PDCD6IP: variants seen among roughly 807,000 people sequenced by gnomAD.
PDCD6IP encodes programmed cell death 6-interacting protein.
PDCD6IP carries 43 observed loss-of-function variants against 103.7 expected under a neutral mutation model. The ratio of observed to expected loss-of-function variants is 0.41; its 90% CI spans 0.32 to 0.53. The LOEUF (loss-of-function observed/expected upper bound fraction) is 0.53, where lower values mean the gene tolerates loss of function less well. Among genes scored for constraint, PDCD6IP ranks in the 20% least tolerant of loss-of-function variants. The probability of loss-of-function intolerance (pLI) is 0.16; values close to 1 mark genes in which losing one functional copy is unlikely to be tolerated. For synonymous variants in PDCD6IP, 354 were observed against 378.7 expected (o/e 0.93, Z 0.76); for missense variants, 871 against 1,036.7 (o/e 0.84, Z 2.20).
At chr3:33,818,729 GA>G (rs1696920983) in intron 3 of PDCD6IP, among the ~76,000 whole-genome samples, 1 of 151,808 alleles carries the variant, frequency 6.6e-6, no homozygotes, top group African/African-American at 2.4e-5. Flanking sequence ...ATGTTGGCCA[GA>G]ATGGTCTTGT....
intron 5 of PDCD6IP, 38 bp from the exon 6 acceptor site, chr3:33,826,442 A>C (rs763769403): frequency 7.2e-7 from 1 of 1,392,640 alleles, no homozygotes; most frequent in Non-Finnish European, 1.0e-6. Flanking sequence ...AGATTAGCTC[A>C]TATTTATTTT....
At chr3:33,799,108 T>C in intron 1 of PDCD6IP, 171 bp downstream of exon 1, 1 of 662,470 alleles carries the variant, frequency 1.5e-6, no homozygotes, top group Non-Finnish European at 2.5e-6. Context: ...GGACCCGCCC[T>C]GCAGGCCCGC....
At position 33,825,253 on chromosome 3, in the gene PDCD6IP, G is replaced by T; in HGVS notation, c.529G>T (p.Val177Leu). 1 of 1,613,398 alleles carries T rather than the reference G, an allele frequency of 6.2e-7. No individual in the cohort carries two copies. Among genetic ancestry groups the T allele is most frequent in the South Asian group, 1.1e-5 (1 of 91,008 alleles). The change falls in exon 5 of 18, where the codon GTG (valine) becomes TTG (leucine). Residue 177 changes from valine to leucine, a missense_variant. By Grantham distance (32) the Val-to-Leu change is conservative. Coordinates refer to ENST00000307296, the MANE Select transcript of PDCD6IP (RefSeq NM_013374.6). ...VLSALSREPT[V>L]DISPDTVGTL... is the part of the protein sequence containing the mutation. ...ATCTGCCTTAAGTCGAGAGCCGACC[G>T]TGGACATATCTCCAGATACTGTTGG...
intron 3 of PDCD6IP, among the ~76,000 whole-genome samples, chr3:33,815,306 G>C (rs939137002): frequency 3.9e-5 from 6 of 151,926 alleles, no homozygotes; most frequent in Non-Finnish European, 8.8e-5. Context: ...TCCTGACTTT[G>C]TACTTTTCCC....
intron 12 of PDCD6IP, among the ~76,000 whole-genome samples, chr3:33,847,952 C>G (rs1456717000): frequency 6.6e-6 from 1 of 151,786 alleles, no homozygotes; most frequent in African/African-American, 2.4e-5. Context: ...AGTGTTACAT[C>G]TGCTGGGAGT....
rs1373099418 is a variant in PDCD6IP, at chr3:33,826,416, TA to T, written c.617-63del. 1.8e-4 allele frequency: 201 copies of T among 1,130,568 alleles called. No homozygotes were observed. The African/African-American group carries it at 2.6e-3, about 15-fold the overall frequency. The allele number at this position is 1,130,568 out of a possible 1,614,324, so 70.0% of individuals were successfully genotyped here. A position where few individuals can be genotyped will look rare whatever the true frequency, so the allele number is the denominator to read the frequency against. On this transcript the variant is annotated intron_variant, in intron 5 of 17. Transcript: ENST00000307296. ...TGTACAAACTTGTGACCTCAGTGTT[TA>T]TACTGAGACATGTCAGATTAGCTCA...
At chr3:33,813,346 C>A (rs1559774187) in intron 2 of PDCD6IP, 2 of 439,320 alleles carry the variant, frequency 4.6e-6, no homozygotes, top group South Asian at 8.3e-5. Context: ...ATTACCAAGG[C>A]AGAATGACCA....
chr3:33,849,927 AT>A (rs147987518), intron 12 of PDCD6IP, among the ~76,000 whole-genome samples: 6,577 of 151,430 alleles, frequency 0.043, 195 homozygotes, highest in South Asian at 0.082. Context: ...TTGAAATGGC[AT>A]TTTTTTTTCC....
chr3:33,812,354 T>G (rs1038221348), intron 2 of PDCD6IP, among the ~76,000 whole-genome samples: 1 of 152,228 alleles, frequency 6.6e-6, no homozygotes, highest in Non-Finnish European at 1.5e-5. Context: ...TTGTTTTTCT[T>G]TGGACTTCAT....
At chr3:33,834,518 A>G (rs1349643623) in intron 7 of PDCD6IP, among the ~76,000 whole-genome samples, 2 of 152,182 alleles carry the variant, frequency 1.3e-5, no homozygotes, top group Admixed American at 6.5e-5. Flanking sequence ...TGTTTTGGTT[A>G]TCTTTCTCTA....
intron 8 of PDCD6IP, among the ~76,000 whole-genome samples, chr3:33,836,572 A>G (rs558365845): frequency 1.1e-4 from 17 of 152,116 alleles, no homozygotes; most frequent in African/African-American, 3.9e-4. Flanking sequence ...ATAAACAAAT[A>G]TGGCTGGATG....
chr3:33,805,389 A>C (rs909462148), intron 1 of PDCD6IP, among the ~76,000 whole-genome samples: 3 of 151,890 alleles, frequency 2.0e-5, no homozygotes, highest in African/African-American at 7.2e-5. Context: ...TCCTTTTTAA[A>C]AATTAAATAT....
intron 15 of PDCD6IP, among the ~76,000 whole-genome samples, chr3:33,856,294 A>G (rs1424628704): frequency 1.3e-5 from 2 of 152,224 alleles, no homozygotes; most frequent in African/African-American, 4.8e-5. Flanking sequence ...CTGCAGGAAT[A>G]TGGTAAGAAA....
At position 33,867,754 on chromosome 3, in the gene PDCD6IP, G is replaced by GT. The variant is rs1220116113; in HGVS notation, c.*1235dup. On this transcript the variant is annotated 3_prime_UTR_variant, in exon 18 of 18. Transcript: ENST00000307296. The stretch of plus-strand genomic sequence containing the variant: ...GTTGTCTAACATCACAGTGGGATCT[G>GT]TTTTTTGTGAGGTTCATTTCTGAAC... 2.0e-5 allele frequency: 3 copies of GT among 152,166 alleles called. No individual in the cohort carries two copies. In the East Asian group the frequency reaches 5.8e-4, roughly 29 times the overall value. 9.4% of individuals were successfully genotyped at this position (152,166 alleles called of 1,614,324 possible). A position where few individuals can be genotyped will look rare whatever the true frequency, so the allele number is the denominator to read the frequency against.
intron 7 of PDCD6IP, among the ~76,000 whole-genome samples, chr3:33,834,552 T>C (rs1575924551): frequency 6.6e-6 from 1 of 152,230 alleles, no homozygotes; most frequent in African/African-American, 2.4e-5. Flanking sequence ...CTTTGGAGGT[T>C]AAGATTTTTA....
chr3:33,843,138 A>G (rs996574386), intron 10 of PDCD6IP, among the ~76,000 whole-genome samples: 1 of 152,132 alleles, frequency 6.6e-6, no homozygotes, highest in African/African-American at 2.4e-5. Flanking sequence ...GGAATCTCAG[A>G]TAATACTTCT....
At position 33,836,222 on chromosome 3, in the gene PDCD6IP, T is replaced by C; in HGVS notation, c.1013T>C (p.Val338Ala). The stretch of plus-strand genomic sequence containing the variant: ...GATCCTATTGGCAAAGCCACACTTG[T>C]GAAATCTACCCCGGTCAATGTACCC... Reference protein sequence around the residue: ...DLDPIGKATLVKSTPVNVPIS... With the variant: ...DLDPIGKATLAKSTPVNVPIS... Residue 338 changes from valine to alanine, a missense_variant, in exon 8 of 18, where the codon GTG becomes GCG. Coordinates refer to ENST00000307296, the MANE Select transcript of PDCD6IP (RefSeq NM_013374.6). 2 of 1,613,260 alleles carry C rather than the reference T, an allele frequency of 1.2e-6. No individual in the cohort carries two copies. Among genetic ancestry groups the C allele is most frequent in the Non-Finnish European group, 1.7e-6 (2 of 1,179,192 alleles).
chr3:33,822,124 A>G lies in PDCD6IP; in HGVS notation c.462+42A>G, dbSNP rs780768000. On this transcript the variant is annotated intron_variant, in intron 4 of 17. Transcript: ENST00000307296. The stretch of plus-strand genomic sequence containing the variant: ...TTACTACAATAATGGTCAACACTAA[A>G]TTGGATTAAGTGGAAAATAATTTGC... The G allele has an allele frequency of 3.9e-5, 62 of 1,595,538 alleles. No individual in the cohort carries two copies. In the East Asian group the frequency reaches 1.3e-3, roughly 34 times the overall value.
Position 33,798,700 on chromosome 3 carries a change from T to C in PDCD6IP, c.-29T>C, listed in dbSNP as rs941348915. The C allele has an allele frequency of 2.6e-6, 4 of 1,521,264 alleles. No homozygotes were observed. Among genetic ancestry groups the C allele is most frequent in the Non-Finnish European group, 3.5e-6 (4 of 1,127,082 alleles). 94.2% of individuals were successfully genotyped at this position (1,521,264 alleles called of 1,614,324 possible). A position where few individuals can be genotyped will look rare whatever the true frequency, so the allele number is the denominator to read the frequency against. On this transcript the variant is annotated 5_prime_UTR_variant, in exon 1 of 18. Transcript: ENST00000307296. The stretch of plus-strand genomic sequence containing the variant: ...CCTCGTAAGCTGTCCGCGGTCTGTT[T>C]GGCCCGAACGGCGGCGGAGGCGCTG...
Sources: allele counts gnomAD v4.1 joint callset (sites outside exome capture counted in the v4.1 genomes callset), GRCh38; gene constraint gnomAD v4.1.1; transcripts MANE v1.5; gene names NCBI Gene and HGNC (gene_info 2026-07-23, HGNC 2026-07-21).